ACAD11: variants seen among roughly 807,000 people sequenced by gnomAD.
The protein encoded by ACAD11 is acyl-Coenzyme A dehydrogenase family, member 11.
ACAD11 carries 83 observed loss-of-function variants against 102.2 expected under a neutral mutation model. That is an observed-to-expected ratio of 0.81 (90% CI 0.68 to 0.97). The LOEUF is 0.97. ACAD11 is among the 50% of genes least tolerant of loss of function. The pLI is 0.00. For synonymous variants in ACAD11, 324 were observed against 319.8 expected, an observed-to-expected ratio of 1.01 and a Z score of -0.14; for missense variants, 901 against 951.7, an observed-to-expected ratio of 0.95 and a Z score of 0.70.
intron 11 of ACAD11, among the ~76,000 whole-genome samples, chr3:132,610,792 G>T (rs1939098894): frequency 6.6e-6 from 1 of 152,106 alleles, no homozygotes; most frequent in Non-Finnish European, 1.5e-5. Flanking sequence ...TCTACCAGAG[G>T]TAGAAGAAGG....
intron 4 of ACAD11, among the ~76,000 whole-genome samples, chr3:132,641,596 A>AGAAGAAGAAGAGGAG (rs1940509216): frequency 2.6e-5 from 3 of 117,522 alleles, no homozygotes; most frequent in Admixed American, 7.9e-5. Flanking sequence ...AAGAAGAAGA[A>AGAAGAAGAAGAGGAG]GAAGAAGAGG....
chr3:132,583,983 G>A (rs538505923), intron 13 of ACAD11, among the ~76,000 whole-genome samples: 2 of 152,312 alleles, frequency 1.3e-5, no homozygotes, highest in African/African-American at 4.8e-5. Context: ...TTCCAACTAT[G>A]TGGTCAATTT....
At chr3:132,568,166 G>A (rs144972863) in intron 17 of ACAD11, among the ~76,000 whole-genome samples, 73 of 152,244 alleles carry the variant, frequency 4.8e-4, no homozygotes, top group African/African-American at 1.1e-3. Context: ...GGCGGAGACC[G>A]CAGTGAGCCA....
At chr3:132,605,704 T>G (rs1938808150) in intron 11 of ACAD11, among the ~76,000 whole-genome samples, 1 of 152,198 alleles carries the variant, frequency 6.6e-6, no homozygotes, top group Non-Finnish European at 1.5e-5. Flanking sequence ...AAATTCTCCC[T>G]GTCCTTCACA....
At chr3:132,560,599 G>T (rs1418155388) in intron 18 of ACAD11, among the ~76,000 whole-genome samples, 1 of 151,874 alleles carries the variant, frequency 6.6e-6, no homozygotes, top group African/African-American at 2.4e-5. Flanking sequence ...AAGAGACAGG[G>T]TCTCACTATG....
chr3:132,579,864 C>A (rs1174440156), intron 13 of ACAD11, among the ~76,000 whole-genome samples: 2 of 152,074 alleles, frequency 1.3e-5, no homozygotes, highest in East Asian at 3.8e-4. Context: ...GCTAGAAAAG[C>A]TGAGAAATTT....
At chr3:132,629,524 T>A (rs929902499) in intron 7 of ACAD11, among the ~76,000 whole-genome samples, 2 of 152,184 alleles carry the variant, frequency 1.3e-5, no homozygotes, top group Admixed American at 6.5e-5. Context: ...GAAAAGCCAT[T>A]TCAAATTTAA....
intron 9 of ACAD11, 109 bp downstream of exon 9, chr3:132,626,582 A>G (rs1939822233): frequency 7.9e-7 from 1 of 1,263,622 alleles, no homozygotes; most frequent in Non-Finnish European, 1.1e-6. Flanking sequence ...GAATCTAGGT[A>G]AGGATTGACT....
Position 132,606,957 on chromosome 3 carries a change from C to T in ACAD11, c.1415-1752G>A, listed in dbSNP as rs553839177. Among the ~76,000 whole-genome samples the T allele has an allele frequency of 3.9e-5, 6 of 152,328 alleles. No individual in the cohort carries two copies. In the East Asian group the frequency reaches 1.2e-3, roughly 29 times the overall value. On this transcript the variant is annotated intron_variant, in intron 11 of 19. Coordinates refer to ENST00000264990, the MANE Select transcript of ACAD11 (RefSeq NM_032169.5). Reference sequence around the variant, plus strand: ...GGAACAGGCAGCAATCTTTGCTGTTCTGCAGCCTCCACTTGTGATATCCGG... The same window carrying T: ...GGAACAGGCAGCAATCTTTGCTGTTTTGCAGCCTCCACTTGTGATATCCGG...
chr3:132,655,238 A>G (rs1273774743), intron 1 of ACAD11, among the ~76,000 whole-genome samples: 2 of 152,154 alleles, frequency 1.3e-5, no homozygotes, highest in Admixed American at 1.3e-4. Context: ...ACTGTAATAC[A>G]TTGGTGTCCT....
chr3:132,565,517 C>T (rs558023168), intron 17 of ACAD11, among the ~76,000 whole-genome samples: 72 of 152,248 alleles, frequency 4.7e-4, no homozygotes, highest in African/African-American at 1.2e-3. Flanking sequence ...CAGAGTCTCA[C>T]AGTATAAAAC....
intron 13 of ACAD11, among the ~76,000 whole-genome samples, chr3:132,598,678 G>A (rs1293533304): frequency 6.6e-6 from 1 of 152,226 alleles, no homozygotes; most frequent in Admixed American, 6.5e-5. Context: ...TTGTATGGTA[G>A]ATAAAGGAAC....
chr3:132,624,844 G>A (rs375008691), intron 9 of ACAD11, among the ~76,000 whole-genome samples: 3 of 151,454 alleles, frequency 2.0e-5, no homozygotes, highest in African/African-American at 2.4e-5. Flanking sequence ...GCAGCACGCC[G>A]GGCTAATTTT....
intron 5 of ACAD11, among the ~76,000 whole-genome samples, chr3:132,634,957 T>C (rs550280892): frequency 7.1e-4 from 107 of 151,388 alleles, no homozygotes; most frequent in African/African-American, 2.5e-3. Context: ...TAATGCTAAA[T>C]GACGAGTTAA....
intron 17 of ACAD11, among the ~76,000 whole-genome samples, chr3:132,573,474 C>A (rs1488032215): frequency 1.3e-5 from 2 of 151,344 alleles, no homozygotes; most frequent in Non-Finnish European, 2.9e-5. Flanking sequence ...AAATTAATTC[C>A]ATCTTTTTCT....
intron 1 of ACAD11, among the ~76,000 whole-genome samples, chr3:132,653,663 C>G (rs772448150): frequency 6.6e-6 from 1 of 152,198 alleles, no homozygotes; most frequent in Non-Finnish European, 1.5e-5. Flanking sequence ...CTCCTCCTAT[C>G]TTCTTAAACC....
intron 5 of ACAD11, among the ~76,000 whole-genome samples, chr3:132,636,830 G>A (rs546327069): frequency 6.6e-6 from 1 of 152,284 alleles, no homozygotes; most frequent in South Asian, 2.1e-4. Context: ...GGGGCATGGT[G>A]TAATTCCTAG....
At chr3:132,636,933 A>G (rs899727883) in intron 5 of ACAD11, among the ~76,000 whole-genome samples, 1 of 152,196 alleles carries the variant, frequency 6.6e-6, no homozygotes, top group African/African-American at 2.4e-5. Flanking sequence ...GAGATGGGAC[A>G]AGAAATGTGA....
chr3:132,561,139 T>C lies in ACAD11; in HGVS notation c.2080A>G (p.Ser694Gly). The part of the protein sequence containing the change: ...IRLLTLKAAH[S>G]MDTLGSAGAK... ...CCAGCACTGCCCAGAGTGTCCATGC[T>C]GTGAGCAGCTTTCAGAGTCAACAAG... The change falls in exon 18 of 20, where the codon AGC (serine) becomes GGC (glycine). Residue 694 changes from serine (S) to glycine (G), a missense_variant. Ser to Gly is a moderately conservative substitution (Grantham distance 56). Coordinates refer to ENST00000264990, the MANE Select transcript of ACAD11 (RefSeq NM_032169.5). The C allele has an allele frequency of 6.2e-7, 1 of 1,613,596 alleles. No homozygotes were observed. The highest frequency in any genetic ancestry group is 8.5e-7 in the Non-Finnish European group (1 of 1,179,686).
Sources: allele counts gnomAD v4.1 joint callset (sites outside exome capture counted in the v4.1 genomes callset), GRCh38; gene constraint gnomAD v4.1.1; transcripts MANE v1.5; gene names NCBI Gene and HGNC (gene_info 2026-07-23, HGNC 2026-07-21).